Variants in ZBTB20 observed in about 807,000 individuals in gnomAD.
The protein encoded by ZBTB20 is zinc finger and BTB domain-containing protein 20.
ZBTB20 carries 9 observed loss-of-function variants against 56.9 expected under a neutral mutation model. The observed-to-expected ratio is 0.16, with a 90% CI of 0.10 to 0.28. The LOEUF (loss-of-function observed/expected upper bound fraction) is 0.28, where lower values mean the gene tolerates loss of function less well. Ranked by LOEUF, ZBTB20 falls within the 10% of genes least tolerant of loss-of-function variation. The probability of loss-of-function intolerance (pLI) is 1.00; values close to 1 mark genes in which losing one functional copy is unlikely to be tolerated. For missense variants in ZBTB20, 655 were observed against 1,003.0 expected (o/e 0.65, Z 4.69); for synonymous variants, 417 against 420.7 (o/e 0.99, Z 0.11).
intron 10 of ZBTB20, among the ~76,000 whole-genome samples, chr3:114,376,851 AT>A (rs1471924908): frequency 1.3e-5 from 2 of 152,226 alleles, no homozygotes; most frequent in Non-Finnish European, 2.9e-5. Flanking sequence ...GAATAGGTGG[AT>A]CTACAGCAGA....
chr3:114,796,428 A>G (rs2071349614), intron 5 of ZBTB20, among the ~76,000 whole-genome samples: 1 of 151,994 alleles, frequency 6.6e-6, no homozygotes, highest in Non-Finnish European at 1.5e-5. Context: ...TTGATTAGGG[A>G]TTGTTATACA....
chr3:114,786,572 A>C (rs1183521397), intron 5 of ZBTB20, among the ~76,000 whole-genome samples: 3 of 152,212 alleles, frequency 2.0e-5, no homozygotes, highest in African/African-American at 7.2e-5. Flanking sequence ...GGAAAATAAT[A>C]GTATCAGAAA....
At chr3:114,763,259 C>A (rs2068557781) in intron 5 of ZBTB20, among the ~76,000 whole-genome samples, 2 of 152,140 alleles carry the variant, frequency 1.3e-5, no homozygotes, top group Non-Finnish European at 2.9e-5. Context: ...CAGTGGAAAT[C>A]TTCGACCTTC....
Position 114,656,714 on chromosome 3 carries a change from T to C in ZBTB20, c.-295+36814A>G, listed in dbSNP as rs374604891. Reference sequence around the variant, plus strand: ...TGAAAATTTTCATTTCTCTGCTTATTTTCTCATCTGTTCCCTCATTATGAC... The same window carrying C: ...TGAAAATTTTCATTTCTCTGCTTATCTTCTCATCTGTTCCCTCATTATGAC... On this transcript the variant is annotated intron_variant, in intron 6 of 11. Transcript: ENST00000675478. Among the ~76,000 whole-genome samples the C allele has an allele frequency of 1.5e-4, 23 of 152,290 alleles. No individual in the cohort carries two copies. The East Asian group carries it at 4.0e-3, about 27-fold the overall frequency.
At chr3:114,898,622 C>T (rs1180176601) in intron 4 of ZBTB20, among the ~76,000 whole-genome samples, 1 of 152,128 alleles carries the variant, frequency 6.6e-6, no homozygotes, top group African/African-American at 2.4e-5. Context: ...TCAACATTTA[C>T]TGATCAACTA....
intron 4 of ZBTB20, among the ~76,000 whole-genome samples, chr3:114,893,021 G>A (rs1351059608): frequency 6.6e-6 from 1 of 152,208 alleles, no homozygotes; most frequent in Non-Finnish European, 1.5e-5. Flanking sequence ...AATTTTGTGA[G>A]AACATTTCCC....
intron 4 of ZBTB20, among the ~76,000 whole-genome samples, chr3:114,803,770 C>A (rs987829850): frequency 4.1e-5 from 4 of 96,564 alleles, no homozygotes; most frequent in Non-Finnish European, 6.6e-5. Context: ...TGTCTATTTT[C>A]AACTTTCTGT....
intron 5 of ZBTB20, among the ~76,000 whole-genome samples, chr3:114,764,251 C>CTT (rs56175916): frequency 8.3e-6 from 1 of 120,576 alleles, no homozygotes; most frequent in African/African-American, 2.9e-5. Flanking sequence ...CTCTCTCTCT[C>CTT]TTTTTTTTTT....
At chr3:114,797,333 T>A (rs1425183086) in intron 5 of ZBTB20, among the ~76,000 whole-genome samples, 1 of 151,844 alleles carries the variant, frequency 6.6e-6, no homozygotes, top group Non-Finnish European at 1.5e-5. Context: ...ACATTATGGT[T>A]CTCATCCAAT....
chr3:115,106,529 G>A (rs554082166), intron 1 of ZBTB20, among the ~76,000 whole-genome samples: 8 of 152,068 alleles, frequency 5.3e-5, no homozygotes, highest in Admixed American at 1.3e-4. Flanking sequence ...CACTGTGCCC[G>A]GCCAATTAGG....
At chr3:114,406,254 G>A (rs991721407) in intron 7 of ZBTB20, among the ~76,000 whole-genome samples, 1 of 152,148 alleles carries the variant, frequency 6.6e-6, no homozygotes, top group Non-Finnish European at 1.5e-5. Flanking sequence ...CAGAGATCCT[G>A]TTATTAAATA....
intron 6 of ZBTB20, among the ~76,000 whole-genome samples, chr3:114,537,621 C>T (rs763514692): frequency 2.3e-4 from 35 of 152,144 alleles, no homozygotes; most frequent in East Asian, 3.8e-4. Context: ...TTTGACCCAG[C>T]GATCCCATTA....
chr3:114,444,713 C>A (rs1371281820), intron 7 of ZBTB20, among the ~76,000 whole-genome samples: 1 of 151,898 alleles, frequency 6.6e-6, no homozygotes, highest in Non-Finnish European at 1.5e-5. Context: ...GTTGGACAAC[C>A]CCCTCATCAA....
chr3:114,609,587 A>C (rs2107680205), intron 6 of ZBTB20, among the ~76,000 whole-genome samples: 1 of 152,348 alleles, frequency 6.6e-6, no homozygotes, highest in African/African-American at 2.4e-5. Flanking sequence ...GATGAAGACC[A>C]AAGTCAATGC....
intron 4 of ZBTB20, among the ~76,000 whole-genome samples, chr3:114,809,637 CTT>C (rs1203943881): frequency 6.6e-6 from 1 of 152,072 alleles, no homozygotes; most frequent in Non-Finnish European, 1.5e-5. Flanking sequence ...GCTTTCAACT[CTT>C]TGTTTGCTAA....
At chr3:114,951,924 T>A (rs1374354632) in intron 3 of ZBTB20, among the ~76,000 whole-genome samples, 1 of 151,814 alleles carries the variant, frequency 6.6e-6, no homozygotes. Context: ...AAAAATAAAA[T>A]TTTAAAAAAA....
intron 3 of ZBTB20, among the ~76,000 whole-genome samples, chr3:114,953,143 T>TATTGATTC (rs1354509963): frequency 6.6e-6 from 1 of 152,042 alleles, no homozygotes; most frequent in Non-Finnish European, 1.5e-5. Context: ...ATGTCTAAAA[T>TATTGATTC]ATTGATTCTA....
At chr3:114,753,180 G>T (rs1446623050) in intron 5 of ZBTB20, among the ~76,000 whole-genome samples, 1 of 150,178 alleles carries the variant, frequency 6.7e-6, no homozygotes, top group African/African-American at 2.5e-5. Flanking sequence ...AAGTAATGGG[G>T]AACACAGGAG....
intron 8 of ZBTB20, chr3:114,387,228 C>T (rs893858018): frequency 7.2e-5 from 11 of 151,952 alleles, no homozygotes; most frequent in Non-Finnish European, 1.6e-4. Context: ...TGACTAGGCC[C>T]GAAGCATTGT....
Sources: gnomAD v4.1 joint callset for allele counts (sites outside exome capture counted in the v4.1 genomes callset) on GRCh38, gnomAD v4.1.1 for gene constraint, MANE v1.5 for transcripts, NCBI Gene and HGNC (gene_info 2026-07-23, HGNC 2026-07-21) for gene names.